ATP13A2: variants seen among roughly 807,000 people sequenced by gnomAD.
The protein encoded by ATP13A2 is ATPase cation transporting 13A2.
Under a neutral mutation model 138.3 loss-of-function variants are expected in ATP13A2, and 83 were observed. The ratio of observed to expected loss-of-function variants is 0.60; its 90% CI spans 0.50 to 0.72. ATP13A2 has a LOEUF of 0.72. ATP13A2 is among the 30% of genes least tolerant of loss of function. ATP13A2 has a pLI of 0.00. For missense variants in ATP13A2, 1,402 were observed against 1,606.4 expected (o/e 0.87, Z 2.17); for synonymous variants, 663 against 699.0 (o/e 0.95, Z 0.81).
chr1:16,987,950 T>A (rs1328259561), intron 25 of ATP13A2, among the ~76,000 whole-genome samples, 188 bp downstream of exon 25: 4 of 152,122 alleles, frequency 2.6e-5, no homozygotes, highest in African/African-American at 9.7e-5. Context: ...GGTACCAGGC[T>A]CCGTGCCTGG....
Position 16,986,261 on chromosome 1 carries a change from T to A in ATP13A2, c.3503A>T (p.Glu1168Val), listed in dbSNP as rs754891633. The change falls in exon 29 of 29, where the codon GAG becomes GTG. Residue 1168 changes from glutamate (E) to valine (V), a missense_variant. Glu to Val is a moderately radical substitution (Grantham distance 121, BLOSUM62 -2). Coordinates refer to ENST00000326735, the MANE Select transcript of ATP13A2 (RefSeq NM_022089.4). This position sits in a 1 kb window ranked among gnomAD's most constrained non-coding sequence, Gnocchi z 6.9. ...RFKQLERELA[E>V]QPWPPLPAGP... ...GGCGGGCAGCGGCGGCCAGGGCTGC[T>A]CGGCCAGCTCTCGTTCCAGCTGCTT... The A allele has an allele frequency of 4.4e-6, 7 of 1,607,812 alleles. No individual in the cohort carries two copies. The Admixed American group carries it at 1.2e-4, about 27-fold the overall frequency.
At position 16,995,883 on chromosome 1, in the gene ATP13A2, G is replaced by T; in HGVS notation, c.1542+93C>A. On this transcript the variant is annotated intron_variant, in intron 15 of 28. Coordinates refer to ENST00000326735, the MANE Select transcript of ATP13A2 (RefSeq NM_022089.4). This position sits in a 1 kb window ranked among gnomAD's most constrained non-coding sequence, Gnocchi z 4.1. ...CCTAGACAGGACCTGGCATCCTGTG[G>T]GTGCTGCTGAGAGAATAACGCGGGT... 1 of 1,482,756 alleles carries T rather than the reference G, an allele frequency of 6.7e-7. No homozygotes were observed. The allele number at this position is 1,482,756 out of a possible 1,614,324, so 91.8% of individuals were successfully genotyped here.
At position 16,990,141 on chromosome 1, in the gene ATP13A2, C is replaced by T. The variant is rs1486998007; in HGVS notation, c.2398G>A (p.Val800Met). The part of the protein sequence containing the change: ...EFLPMESPTA[V>M]NGVKDPDQAA... ...GTTAGCCTCACCTTAACGCCATTCA[C>T]GGCTGTGGGGGACTCCATCGGCAGG... Residue 800 changes from valine to methionine, a missense_variant, in exon 21 of 29, where the codon GTG (valine) becomes ATG (methionine). Coordinates refer to ENST00000326735, the MANE Select transcript of ATP13A2 (RefSeq NM_022089.4). The T allele has an allele frequency of 1.1e-5, 18 of 1,614,030 alleles. No individual in the cohort carries two copies. The highest frequency in any genetic ancestry group is 2.7e-5 in the African/African-American group (2 of 74,932).
intron 25 of ATP13A2, among the ~76,000 whole-genome samples, chr1:16,987,495 C>A (rs938467368): frequency 2.0e-5 from 3 of 152,182 alleles, no homozygotes; most frequent in Admixed American, 1.3e-4. Context: ...ACCTTGGGGG[C>A]CTAAATCTGA....
Position 17,011,896 on chromosome 1 carries a change from C to A in ATP13A2, c.-158G>T. 1.6e-6 allele frequency: 1 copy of A among 618,146 alleles called. No homozygotes were observed. Among genetic ancestry groups the A allele is most frequent in the Non-Finnish European group, 2.0e-6 (1 of 489,264 alleles). The allele number at this position is 618,146 out of a possible 1,614,324, so 38.3% of individuals were successfully genotyped here. ...AGCAGGGCTGACGCGGGCGGGGCAC[C>A]TGGGCCACCAGGCTCGGCGCGGCTC... On this transcript the variant is annotated 5_prime_UTR_variant, in exon 1 of 29. In the 5' UTR this introduces an upstream ATG that the reference lacks. Coordinates refer to ENST00000326735, the MANE Select transcript of ATP13A2 (RefSeq NM_022089.4). This position sits in a 1 kb window ranked among gnomAD's most constrained non-coding sequence, Gnocchi z 7.3.
chr1:16,986,823 G>T lies in ATP13A2; in HGVS notation c.3217C>A (p.Arg1073=). 6.2e-7 allele frequency: 1 copy of T among 1,612,716 alleles called. No homozygotes were observed. The highest frequency in any genetic ancestry group is 1.1e-5 in the South Asian group (1 of 91,032). The change falls in exon 27 of 29, where the codon CGG becomes AGG. Residue 1073 remains arginine, a synonymous_variant. Coordinates refer to ENST00000326735, the MANE Select transcript of ATP13A2 (RefSeq NM_022089.4). This position sits in a 1 kb window ranked among gnomAD's most constrained non-coding sequence, Gnocchi z 6.9. ...AAVSKGAPFR[R]PLYTNVPFLV... is the part of the protein sequence containing the mutation. Reference sequence around the variant, plus strand: ...GTGGCACCATTGGTGTAGAGCGGCCGGCGGAAGGGCGCCCCCTTGGACACG... The same window carrying T: ...GTGGCACCATTGGTGTAGAGCGGCCTGCGGAAGGGCGCCCCCTTGGACACG...
Position 16,988,019 on chromosome 1 carries a change from C to T in ATP13A2, c.2859+119G>A. ...CTCCAACCACACAGCCGGAGAGTGG[C>T]AGGGTCAGGATCTGGGCCCACGTCA... is the stretch of plus-strand genomic sequence containing the variant. On this transcript the variant is annotated intron_variant, in intron 25 of 28. Transcript: ENST00000326735. The T allele has an allele frequency of 2.1e-6, 2 of 932,202 alleles. 1 individual carries two copies. The highest frequency in any genetic ancestry group is 3.5e-6 in the Non-Finnish European group (2 of 579,432). The allele number at this position is 932,202 out of a possible 1,614,324, so 57.7% of individuals were successfully genotyped here.
At chr1:17,009,387 C>CTTT (rs1161920218) in intron 1 of ATP13A2, among the ~76,000 whole-genome samples, 9 of 116,512 alleles carry the variant, frequency 7.7e-5, no homozygotes, top group Non-Finnish European at 1.2e-4. Flanking sequence ...GAGCCTCTTC[C>CTTT]TTTTTTTTTT....
chr1:16,986,196 T>C lies in ATP13A2; in HGVS notation c.*25A>G. 1.2e-6 allele frequency: 2 copies of C among 1,612,390 alleles called. No individual in the cohort carries two copies. Among genetic ancestry groups the C allele is most frequent in the Non-Finnish European group, 1.7e-6 (2 of 1,179,602 alleles). On this transcript the variant is annotated 3_prime_UTR_variant, in exon 29 of 29. Coordinates refer to ENST00000326735, the MANE Select transcript of ATP13A2 (RefSeq NM_022089.4). This position sits in a 1 kb window ranked among gnomAD's most constrained non-coding sequence, Gnocchi z 6.9. ...GTGGCTCAGAGGCAGGGAGTTCCAG[T>C]GTCTGGGGTGCCCGTGGGCCTGCAC...
chr1:16,993,876 A>T, intron 15 of ATP13A2, 41 bp from the exon 16 acceptor site: 1 of 1,490,946 alleles, frequency 6.7e-7, no homozygotes, highest in Non-Finnish European at 9.0e-7. Flanking sequence ...GAGTCCTGGG[A>T]TGGGGGTACC....
intron 1 of ATP13A2, among the ~76,000 whole-genome samples, chr1:17,008,725 CG>C (rs1557723691): frequency 6.6e-6 from 1 of 151,910 alleles, no homozygotes; most frequent in African/African-American, 2.4e-5. Context: ...CCAAGGGGGG[CG>C]GATCACGAGG....
At chr1:16,988,607 G>T in intron 23 of ATP13A2, 133 bp from the exon 24 acceptor site, 1 of 844,944 alleles carries the variant, frequency 1.2e-6, no homozygotes, top group Non-Finnish European at 1.9e-6. Context: ...TCAGTGAATA[G>T]ATGCAATTAT....
At chr1:16,991,375 G>A (rs994045330) in intron 20 of ATP13A2, among the ~76,000 whole-genome samples, 1 of 152,152 alleles carries the variant, frequency 6.6e-6, no homozygotes, top group African/African-American at 2.4e-5. Flanking sequence ...ATGAAGTACC[G>A]TGCCCGGCCA....
intron 22 of ATP13A2, 40 bp downstream of exon 22, chr1:16,989,847 G>A (rs2076862983): frequency 1.2e-6 from 2 of 1,609,742 alleles, no homozygotes; most frequent in Non-Finnish European, 8.5e-7. Flanking sequence ...GACAGAGCAG[G>A]GGAGGCGCAG....
At chr1:17,002,964 G>A (rs1255841694) in intron 6 of ATP13A2, among the ~76,000 whole-genome samples, 1 of 152,200 alleles carries the variant, frequency 6.6e-6, no homozygotes, top group Non-Finnish European at 1.5e-5. Flanking sequence ...CTGGCTGCAT[G>A]TGAATCCCCT....
chr1:16,999,625 G>A (rs576509881), intron 11 of ATP13A2, among the ~76,000 whole-genome samples: 15 of 152,182 alleles, frequency 9.9e-5, no homozygotes, highest in Non-Finnish European at 4.4e-5. Context: ...AAGAGGAGGC[G>A]GAGCGCTGGC....
In ATP13A2 at chr1:16,997,070, T is replaced by C. The variant is rs756955409; in HGVS notation, c.1145A>G (p.Gln382Arg). 19 of 1,613,326 alleles carry C rather than the reference T, an allele frequency of 1.2e-5. No homozygotes were observed. The highest frequency in any genetic ancestry group is 1.4e-5 in the Non-Finnish European group (17 of 1,179,998). ...HTLFCGTLILQARAYVGPHVL... is the reference protein window; with the variant it reads ...HTLFCGTLILRARAYVGPHVL... ...GTGCGGTCCCACATAGGCCCGGGCC[T>C]GCAAGATGAGGGTCCCGCAGAAGAG... is the stretch of plus-strand genomic sequence containing the variant. The change falls in exon 12 of 29, where the codon CAG becomes CGG. Residue 382 changes from glutamine (Q) to arginine (R), a missense_variant. Coordinates refer to ENST00000326735, the MANE Select transcript of ATP13A2 (RefSeq NM_022089.4).
Position 16,986,834 on chromosome 1 carries a change from GC to G in ATP13A2, c.3205del (p.Ala1069ArgfsTer20). ...LILAAAVSKGAPFRRPLYTNV... is the reference protein window; with the variant it reads ...LILAAAVSKGXPFRRPLYTNV... The stretch of plus-strand genomic sequence containing the variant: ...GGTGTAGAGCGGCCGGCGGAAGGGC[GC>G]CCCCTTGGACACGGCTGCAGCCAGG... On this transcript the variant is annotated frameshift_variant, in exon 27 of 29. Transcript: ENST00000326735. LOFTEE classifies it high-confidence loss of function. This position sits in a 1 kb window ranked among gnomAD's most constrained non-coding sequence, Gnocchi z 6.9. The G allele has an allele frequency of 6.2e-7, 1 of 1,613,044 alleles. No individual in the cohort carries two copies. The highest frequency in any genetic ancestry group is 8.5e-7 in the Non-Finnish European group (1 of 1,179,778).
intron 1 of ATP13A2, among the ~76,000 whole-genome samples, chr1:17,008,774 C>G (rs2077662957): frequency 6.6e-6 from 1 of 152,094 alleles, no homozygotes; most frequent in South Asian, 2.1e-4. Flanking sequence ...TCCTGGCTAA[C>G]ACGGTGAAAC....
Sources: allele counts gnomAD v4.1 joint callset (sites outside exome capture counted in the v4.1 genomes callset), GRCh38; gene constraint gnomAD v4.1.1; non-coding constraint Gnocchi (gnomAD v3.1); transcripts MANE v1.5; gene names NCBI Gene and HGNC (gene_info 2026-07-23, HGNC 2026-07-21).